ZNF142: variants seen among roughly 807,000 people sequenced by gnomAD.
ZNF142 encodes the protein zinc finger protein 142 (clone pHZ-49).
In ZNF142, 96 loss-of-function variants were observed where a neutral mutation model predicts 132.1. The ratio of observed to expected loss-of-function variants is 0.73; its 90% CI spans 0.62 to 0.86. The LOEUF is 0.86. Among genes scored for constraint, ZNF142 ranks in the 40% least tolerant of loss-of-function variants. The pLI is 0.00. For synonymous variants in ZNF142, 842 were observed against 890.1 expected, an observed-to-expected ratio of 0.95 and a Z score of 0.96; for missense variants, 2,163 against 2,336.2, an observed-to-expected ratio of 0.93 and a Z score of 1.53.
intron 3 of ZNF142, among the ~76,000 whole-genome samples, chr2:218,657,395 G>T (rs1938614659): frequency 6.6e-6 from 1 of 152,044 alleles, no homozygotes; most frequent in Admixed American, 6.6e-5. Context: ...TATCCTTGAA[G>T]AAGCTGCACA....
At position 218,656,131 on chromosome 2, in the gene ZNF142, C is replaced by T. The variant is rs1938459023; in HGVS notation, c.280+19G>A. ...CAGAGCTGCTTGTCCCACTGGCCTGCTTGCAACTGTGTTTGTACCTGGGGT... is the reference window on the plus strand; with the variant it reads ...CAGAGCTGCTTGTCCCACTGGCCTGTTTGCAACTGTGTTTGTACCTGGGGT... On this transcript the variant is annotated intron_variant, in intron 4 of 10. Coordinates refer to ENST00000411696, the MANE Select transcript of ZNF142 (RefSeq NM_001379659.1). 6 of 1,510,282 alleles carry T rather than the reference C, an allele frequency of 4.0e-6. No individual in the cohort carries two copies. The highest frequency in any genetic ancestry group is 5.3e-6 in the Non-Finnish European group (6 of 1,121,850). The allele number at this position is 1,510,282 out of a possible 1,614,324, so 93.6% of individuals were successfully genotyped here.
intron 3 of ZNF142, among the ~76,000 whole-genome samples, chr2:218,657,724 C>T (rs35021258): frequency 0.056 from 8,525 of 152,230 alleles, 335 homozygotes; most frequent in East Asian, 0.12. Context: ...GGCACCGCGC[C>T]GGGCCTGGCT....
Position 218,643,881 on chromosome 2 carries a change from G to A in ZNF142, c.3235C>T (p.Arg1079Cys), listed in dbSNP as rs754686597. The change falls in exon 9 of 11, where the codon CGC becomes TGC. Residue 1079 changes from arginine to cysteine, a missense_variant. Around this residue, in one of 7 missense-constraint regions of ZNF142, gnomAD observed 809 missense variants for 801.7 expected, o/e 1.01. Coordinates refer to ENST00000411696, the MANE Select transcript of ZNF142 (RefSeq NM_001379659.1). ...TTCAGCAGGTGGGTGCTGAGGCCGC[G>A]TTGTTGCTTGAAGCTAGCCCCACAC... ...PECGASFKQQ[R>C]GLSTHLLKKC... The A allele has an allele frequency of 6.2e-6, 10 of 1,614,038 alleles. No homozygotes were observed. Among genetic ancestry groups the A allele is most frequent in the East Asian group, 4.5e-5 (2 of 44,892 alleles).
At position 218,638,043 on chromosome 2, in the gene ZNF142, G is replaced by A. The variant is rs1696854778; in HGVS notation, c.*296C>T. The stretch of plus-strand genomic sequence containing the variant: ...AAGAAGGAAAGAGAAGATGGAGTGG[G>A]TAAAATCCAGATCTTATAGCCAGGG... On this transcript the variant is annotated 3_prime_UTR_variant, in exon 11 of 11. Transcript: ENST00000411696. 1 of 299,968 alleles carries A rather than the reference G, an allele frequency of 3.3e-6. No individual in the cohort carries two copies. Among genetic ancestry groups the A allele is most frequent in the Non-Finnish European group, 6.1e-6 (1 of 163,640 alleles). The allele number at this position is 299,968 out of a possible 1,614,324, so 18.6% of individuals were successfully genotyped here.
intron 5 of ZNF142, 82 bp from the exon 6 acceptor site, chr2:218,650,608 A>C (rs1410589962): frequency 4.5e-6 from 6 of 1,320,914 alleles, no homozygotes; most frequent in Non-Finnish European, 5.1e-6. Context: ...TACTGGCTGA[A>C]ATAATCACCC....
At chr2:218,648,542 G>T in intron 7 of ZNF142, 93 bp downstream of exon 7, 2 of 1,229,930 alleles carry the variant, frequency 1.6e-6, no homozygotes, top group Non-Finnish European at 2.3e-6. Context: ...TAGGAATTTT[G>T]GGTCAAATGA....
At position 218,642,574 on chromosome 2, in the gene ZNF142, C is replaced by T. The variant is rs1220202992; in HGVS notation, c.4542G>A (p.Gln1514=). 1.9e-6 allele frequency: 3 copies of T among 1,613,318 alleles called. No individual in the cohort carries two copies. The highest frequency in any genetic ancestry group is 2.2e-5 in the East Asian group (1 of 44,870). ...TCTCTGCAGGAGAGCCAGGGGCAGG[C>T]TGTGCAGGCTCGGGGTGTCGGCGCA... ...HALRRHPEPA[Q]PAPGSPAETT... The change falls in exon 9 of 11, where the codon CAG becomes CAA. Residue 1514 remains glutamine, a synonymous_variant. Transcript: ENST00000411696. The surrounding 1 kb of genome is among the most constrained non-coding windows in gnomAD (Gnocchi z 4.6).
In ZNF142 at chr2:218,643,370, C is replaced by CA. The variant is rs1697420930; in HGVS notation, c.3745dup (p.Cys1249LeufsTer19). 6.2e-7 allele frequency: 1 copy of CA among 1,614,094 alleles called. No individual in the cohort carries two copies. On this transcript the variant is annotated frameshift_variant, in exon 9 of 11. Coordinates refer to ENST00000411696, the MANE Select transcript of ZNF142 (RefSeq NM_001379659.1). LOFTEE classifies it high-confidence loss of function. ...TCCTCCCCCGCCACGTCCCCCCCTG[C>CA]AGCCTTCAGCCACGTGAGAGGTAAT...
intron 10 of ZNF142, 114 bp downstream of exon 10, chr2:218,640,550 C>T (rs1308299791): frequency 1.1e-6 from 1 of 890,800 alleles, no homozygotes; most frequent in Non-Finnish European, 1.8e-6. Flanking sequence ...GCTGTCTACT[C>T]CCAATGTGAA....
chr2:218,647,989 C>A (rs7573112), intron 7 of ZNF142, among the ~76,000 whole-genome samples: 140,427 of 152,224 alleles, frequency 0.92, 65,795 homozygotes, highest in East Asian at 1. Context: ...AGGATGCCTA[C>A]AATTTTTTCT....
At chr2:218,656,528 T>A in intron 3 of ZNF142, 65 bp from the exon 4 acceptor site, 1 of 1,284,646 alleles carries the variant, frequency 7.8e-7, no homozygotes, top group Non-Finnish European at 1.0e-6. Context: ...CTGGCTGGCG[T>A]GGGTACACAG....
At chr2:218,655,482 T>A (rs1938396684) in intron 4 of ZNF142, among the ~76,000 whole-genome samples, 2 of 152,164 alleles carry the variant, frequency 1.3e-5, no homozygotes, top group South Asian at 4.1e-4. Context: ...TTTGTTTTGT[T>A]TTGTTTTTTT....
At chr2:218,639,881 C>G (rs1490922280) in intron 10 of ZNF142, among the ~76,000 whole-genome samples, 1 of 149,800 alleles carries the variant, frequency 6.7e-6, no homozygotes, top group Non-Finnish European at 1.5e-5. Flanking sequence ...CGGTGAAACC[C>G]CCATCTCTAC....
chr2:218,656,532 T>C, intron 3 of ZNF142, 69 bp from the exon 4 acceptor site: 1 of 1,231,762 alleles, frequency 8.1e-7, no homozygotes, highest in Non-Finnish European at 1.1e-6. Flanking sequence ...CTGGCGTGGG[T>C]ACACAGCCCA....
chr2:218,640,917 T>G (rs1697128107), intron 9 of ZNF142, 148 bp from the exon 10 acceptor site: 2 of 651,296 alleles, frequency 3.1e-6, no homozygotes, highest in South Asian at 4.0e-5. Context: ...AATCTTCAGT[T>G]TACTTGCTAG....
At chr2:218,652,511 G>A (rs1428294902) in intron 4 of ZNF142, among the ~76,000 whole-genome samples, 1 of 152,164 alleles carries the variant, frequency 6.6e-6, no homozygotes, top group Non-Finnish European at 1.5e-5. Context: ...ACAATACTTG[G>A]CACAAGATAG....
chr2:218,636,787 A>G lies in ZNF142; in HGVS notation c.*1552T>C. 1 of 633,762 alleles carries G rather than the reference A, an allele frequency of 1.6e-6. No homozygotes were observed. Among genetic ancestry groups the G allele is most frequent in the South Asian group, 1.6e-5 (1 of 61,210 alleles). 39.3% of individuals were successfully genotyped at this position (633,762 alleles called of 1,614,324 possible). A position where few individuals can be genotyped will look rare whatever the true frequency, so the allele number is the denominator to read the frequency against. ...TTTCTTCCCTTCCTTTGTTTTCATA[A>G]GCCTTTGGTATCTTTCCTGCCCTTT... On this transcript the variant is annotated 3_prime_UTR_variant, in exon 11 of 11. Transcript: ENST00000411696.
intron 4 of ZNF142, among the ~76,000 whole-genome samples, chr2:218,653,859 G>A (rs929213627): frequency 2.3e-4 from 35 of 152,064 alleles, no homozygotes; most frequent in Non-Finnish European, 8.8e-5. Context: ...TTTTTGGCTG[G>A]TGGTGGGGGA....
chr2:218,641,300 G>A (rs370218906), intron 9 of ZNF142, among the ~76,000 whole-genome samples: 2 of 143,798 alleles, frequency 1.4e-5, no homozygotes, highest in African/African-American at 2.6e-5. Context: ...AGGCTGGAGT[G>A]CAGTGGCGCG....
Sources: allele counts gnomAD v4.1 joint callset (sites outside exome capture counted in the v4.1 genomes callset), GRCh38; gene constraint gnomAD v4.1.1; regional missense constraint gnomAD v4.1.1; non-coding constraint Gnocchi (gnomAD v3.1); transcripts MANE v1.5; gene names NCBI Gene and HGNC (gene_info 2026-07-23, HGNC 2026-07-21).